The following SNAP25 variants were observed in gnomAD, a reference collection of about 807,000 sequenced individuals.
SNAP25 encodes synaptosomal-associated protein 25.
A neutral mutation model predicts 28.7 loss-of-function variants in SNAP25; 3 were observed. That is an observed-to-expected ratio of 0.10 (90% CI 0.05 to 0.27). The LOEUF is 0.27. Among genes scored for constraint, SNAP25 ranks in the 10% least tolerant of loss-of-function variants. The pLI, the probability that SNAP25 is intolerant of heterozygous loss-of-function variation, is 1.00. For synonymous variants in SNAP25, 61 were observed against 88.1 expected (o/e 0.69, Z 1.72); for missense variants, 117 against 278.7 (o/e 0.42, Z 4.13).
chr20:10,284,582 C>A (rs1025720124), intron 3 of SNAP25, 142 bp from the exon 4 acceptor site: 4 of 690,494 alleles, frequency 5.8e-6, no homozygotes, highest in African/African-American at 3.6e-5. Flanking sequence ...CCCCTCAGGG[C>A]TCTTGTCATA....
rs554212936 is a variant in SNAP25, at chr20:10,299,489, C to A, written c.552+77C>A. 4.0e-5 allele frequency: 57 copies of A among 1,431,570 alleles called. No homozygotes were observed. In the African/African-American group the frequency reaches 7.1e-4, roughly 18 times the overall value. 88.7% of individuals were successfully genotyped at this position (1,431,570 alleles called of 1,614,324 possible). On this transcript the variant is annotated intron_variant, in intron 7 of 7. Transcript: ENST00000254976. ...CCAACAGGAAGTGTGAAGGGCATAACAAGATCCTCAAAACACGACCTTGGA... is the reference window on the plus strand; with the variant it reads ...CCAACAGGAAGTGTGAAGGGCATAAAAAGATCCTCAAAACACGACCTTGGA...
At chr20:10,279,019 C>T (rs1023351509) in intron 3 of SNAP25, among the ~76,000 whole-genome samples, 22 of 152,212 alleles carry the variant, frequency 1.4e-4, no homozygotes, top group African/African-American at 5.3e-4. Context: ...CGGGACACAC[C>T]GGAAGGCAGC....
chr20:10,277,830 C>T (rs1163130138), intron 3 of SNAP25, 104 bp downstream of exon 3: 6 of 1,067,140 alleles, frequency 5.6e-6, no homozygotes, highest in Non-Finnish European at 8.6e-6. Context: ...CCCTAGATTC[C>T]AGTGTGGATG....
intron 1 of SNAP25, among the ~76,000 whole-genome samples, chr20:10,220,110 A>C (rs975133580): frequency 1.3e-5 from 2 of 152,186 alleles, no homozygotes; most frequent in African/African-American, 4.8e-5. Flanking sequence ...TATATGAAGA[A>C]GCCAATGCTA....
chr20:10,296,890 C>T, intron 5 of SNAP25, 35 bp from the exon 6 acceptor site: 1 of 1,613,262 alleles, frequency 6.2e-7, no homozygotes, highest in African/African-American at 1.3e-5. Context: ...CTCCTCCACC[C>T]CTGTGCCTTG....
intron 1 of SNAP25, among the ~76,000 whole-genome samples, chr20:10,229,324 C>T (rs572453016): frequency 6.6e-6 from 1 of 152,036 alleles, no homozygotes; most frequent in South Asian, 2.1e-4. Context: ...TTTGTATGTG[C>T]ACACAATACA....
chr20:10,274,538 T>C (rs1373203292), intron 1 of SNAP25, among the ~76,000 whole-genome samples: 1 of 152,230 alleles, frequency 6.6e-6, no homozygotes, highest in Admixed American at 6.5e-5. Flanking sequence ...TGCAAACTAA[T>C]GTATAGTGAC....
At chr20:10,226,377 C>T (rs1434829547) in intron 1 of SNAP25, among the ~76,000 whole-genome samples, 7 of 152,110 alleles carry the variant, frequency 4.6e-5, no homozygotes, top group Admixed American at 2.0e-4. Flanking sequence ...ATGATCACTG[C>T]CCATGTATTG....
chr20:10,261,427 C>A (rs375543094), intron 1 of SNAP25, among the ~76,000 whole-genome samples: 5 of 152,172 alleles, frequency 3.3e-5, no homozygotes, highest in Non-Finnish European at 5.9e-5. Flanking sequence ...TACGTTTGCA[C>A]CCTCTACATG....
intron 4 of SNAP25, among the ~76,000 whole-genome samples, chr20:10,285,112 C>T (rs1371212574): frequency 1.3e-5 from 2 of 152,034 alleles, no homozygotes; most frequent in African/African-American, 2.4e-5. Context: ...TAAACTTTCC[C>T]AATAAATTTG....
intron 4 of SNAP25, among the ~76,000 whole-genome samples, chr20:10,286,463 C>T (rs992143112): frequency 6.6e-6 from 1 of 152,150 alleles, no homozygotes; most frequent in Non-Finnish European, 1.5e-5. Flanking sequence ...CTGAGAAGCC[C>T]TCGGCCAGGC....
At position 10,293,261 on chromosome 20, in the gene SNAP25, T is replaced by C; in HGVS notation, c.264T>C (p.Cys88=). ...ACCTAGGAAAATTCTGCGGGCTTTG[T>C]GTGTGTCCCTGTAACAAGTAGGTGC... ...LTDLGKFCGL[C]VCPCNKLKSS... The change falls in exon 5 of 8, where the codon TGT becomes TGC. Residue 88 remains cysteine (C), a synonymous_variant. Transcript: ENST00000254976. This position sits in a 1 kb window ranked among gnomAD's most constrained non-coding sequence, Gnocchi z 5.6. 3.1e-6 allele frequency: 5 copies of C among 1,613,826 alleles called. No homozygotes were observed. Among genetic ancestry groups the C allele is most frequent in the Middle Eastern group, 1.7e-4 (1 of 6,060 alleles).
intron 1 of SNAP25, among the ~76,000 whole-genome samples, chr20:10,227,439 G>C (rs908547342): frequency 1.3e-5 from 2 of 152,100 alleles, no homozygotes; most frequent in South Asian, 4.1e-4. Context: ...TTCTACCACT[G>C]TAAGTAATCC....
chr20:10,301,879 TA>T (rs2064246681), intron 7 of SNAP25, among the ~76,000 whole-genome samples: 1 of 144,146 alleles, frequency 6.9e-6, no homozygotes, highest in African/African-American at 2.6e-5. Flanking sequence ...ATATAATATA[TA>T]ATATATATAT....
chr20:10,306,472 G>T lies in SNAP25; in HGVS notation c.*275G>T. The T allele has an allele frequency of 3.1e-6, 1 of 325,554 alleles. No homozygotes were observed. The highest frequency in any genetic ancestry group is 5.7e-6 in the Non-Finnish European group (1 of 176,976). 20.2% of individuals were successfully genotyped at this position (325,554 alleles called of 1,614,324 possible). A position where few individuals can be genotyped will look rare whatever the true frequency, so the allele number is the denominator to read the frequency against. ...TCATTTTTCATTTTCTCTCCTCGGTGGCATTTGCTGAATAACAACAATTTA... is the reference window on the plus strand; with the variant it reads ...TCATTTTTCATTTTCTCTCCTCGGTTGCATTTGCTGAATAACAACAATTTA... On this transcript the variant is annotated 3_prime_UTR_variant, in exon 8 of 8. Transcript: ENST00000254976.
intron 1 of SNAP25, among the ~76,000 whole-genome samples, chr20:10,242,389 G>A (rs1230894696): frequency 6.6e-6 from 1 of 152,154 alleles, no homozygotes; most frequent in Non-Finnish European, 1.5e-5. Flanking sequence ...ACAGAGTGGA[G>A]GTGTTAGAAA....
Position 10,301,901 on chromosome 20 carries a change from T to C in SNAP25, c.552+2489T>C, listed in dbSNP as rs1157842035. 2.0e-5 allele frequency among the ~76,000 whole-genome samples: 3 copies of C among 147,158 alleles called. No homozygotes were observed. The Admixed American group carries it at 2.0e-4, about 10-fold the overall frequency. On this transcript the variant is annotated intron_variant, in intron 7 of 7. Coordinates refer to ENST00000254976, the MANE Select transcript of SNAP25 (RefSeq NM_130811.4). ...ATATAATATATATATTATATGTATA[T>C]GGTTATTATATATATATAAAAACCA... is the stretch of plus-strand genomic sequence containing the variant.
chr20:10,236,953 AAAATACAT>A (rs1555786460), intron 1 of SNAP25, among the ~76,000 whole-genome samples: 42 of 111,574 alleles, frequency 3.8e-4, no homozygotes, highest in African/African-American at 1.1e-3. Context: ...CCTCCAAAGG[AAAATACAT>A]AAATAAATAA....
intron 1 of SNAP25, among the ~76,000 whole-genome samples, chr20:10,268,992 C>T (rs1448878902): frequency 1.8e-5 from 2 of 112,098 alleles, no homozygotes; most frequent in Non-Finnish European, 3.7e-5. Context: ...ACAAGGGCAC[C>T]CTATAACCTT....
Sources: gnomAD v4.1 joint callset for allele counts (sites outside exome capture counted in the v4.1 genomes callset) on GRCh38, gnomAD v4.1.1 for gene constraint, Gnocchi (gnomAD v3.1) non-coding constraint, MANE v1.5 for transcripts, NCBI Gene and HGNC (gene_info 2026-07-23, HGNC 2026-07-21) for gene names.